The following CYP2B6 variants were observed in gnomAD, a reference collection of about 807,000 sequenced individuals.
CYP2B6 encodes the protein cytochrome P450 2B6.
CYP2B6 carries 35 observed loss-of-function variants against 43.4 expected under a neutral mutation model. The ratio of observed to expected loss-of-function variants is 0.81; its 90% CI spans 0.62 to 1.07. The LOEUF (loss-of-function observed/expected upper bound fraction) is 1.07, where lower values mean the gene tolerates loss of function less well. Among genes scored for constraint, CYP2B6 ranks in the 50% least tolerant of loss-of-function variants. The pLI, the probability that CYP2B6 is intolerant of heterozygous loss-of-function variation, is 0.00. For missense variants in CYP2B6, 624 were observed against 632.8 expected, an observed-to-expected ratio of 0.99 and a Z score of 0.15; for synonymous variants, 239 against 239.2, an observed-to-expected ratio of 1.00 and a Z score of 0.01.
rs4803420 is a variant in CYP2B6 at position 41,017,655 on chromosome 19, G to T, written c.*828G>T. 0.11 allele frequency: 16,848 copies of T among 151,744 alleles called. 1,059 individuals are homozygous for T. Among genetic ancestry groups the T allele is most frequent in the East Asian group, 0.19 (958 of 5,122 alleles). 9.4% of individuals were successfully genotyped at this position (151,744 alleles called of 1,614,324 possible). ...TGGCTAAATTTTGTATTTTTAGGTGGTCTTGAACTCCTGATGTCAGGTGAT... is the reference window on the plus strand; with the variant it reads ...TGGCTAAATTTTGTATTTTTAGGTGTTCTTGAACTCCTGATGTCAGGTGAT... On this transcript the variant is annotated 3_prime_UTR_variant, in exon 9 of 9. Transcript: ENST00000324071.
rs1004960957 is a variant in CYP2B6 at position 41,012,975 on chromosome 19, G to C, written c.1294+160G>C. ...CATCTTCACTACAACCCTATAAGGA[G>C]GCTTGAGAAAGAAGATTACATTCCC... On this transcript the variant is annotated intron_variant, in intron 8 of 8. Coordinates refer to ENST00000324071, the MANE Select transcript of CYP2B6 (RefSeq NM_000767.5). The C allele has an allele frequency of 4.6e-6, 4 of 871,600 alleles. No individual in the cohort carries two copies. The African/African-American group carries it at 5.0e-5, about 11-fold the overall frequency. 54.0% of individuals were successfully genotyped at this position (871,600 alleles called of 1,614,324 possible).
chr19:40,991,985 T>C (rs1968926051), intron 1 of CYP2B6, among the ~76,000 whole-genome samples: 1 of 152,062 alleles, frequency 6.6e-6, no homozygotes, highest in Non-Finnish European at 1.5e-5. Flanking sequence ...GTGGATCACC[T>C]GAGGTCAGGA....
intron 5 of CYP2B6, 43 bp from the exon 6 acceptor site, chr19:41,009,951 A>C (rs772519154): frequency 6.2e-7 from 1 of 1,613,276 alleles, no homozygotes; most frequent in South Asian, 1.1e-5. Context: ...GCAAGGCTAC[A>C]GCCTCCCCTG....
In CYP2B6 at chr19:41,004,452, T is replaced by A. The variant is rs1456870978; in HGVS notation, c.484+6T>A. On this transcript the variant is annotated splice_donor_region_variant and intron_variant, in intron 3 of 8. Coordinates refer to ENST00000324071, the MANE Select transcript of CYP2B6 (RefSeq NM_000767.5). ...GGAGCTTCGGAAATCCAAGGGTGAG[T>A]CCTGGGGGATGAATAGGAAAGAAAG... is the stretch of plus-strand genomic sequence containing the variant. 18 of 1,612,070 alleles carry A rather than the reference T, an allele frequency of 1.1e-5. No individual in the cohort carries two copies. In the Admixed American group the frequency reaches 2.8e-4, roughly 25 times the overall value.
intron 4 of CYP2B6, chr19:41,007,700 A>T (rs1200337242): frequency 6.6e-6 from 1 of 151,650 alleles, no homozygotes; most frequent in African/African-American, 2.4e-5. Context: ...ATCTCAGCTC[A>T]CTGCAACTTC....
In CYP2B6 at chr19:41,015,313, A is replaced by G. The variant is rs187991044; in HGVS notation, c.1295-1333A>G. Among the ~76,000 whole-genome samples the G allele has an allele frequency of 2.5e-4, 38 of 152,334 alleles. 1 individual carries two copies. The highest frequency in any genetic ancestry group is 8.4e-4 in the African/African-American group (35 of 41,578). ...AAAATGTTAGGTCACACAAAGAGTT[A>G]CAGAAGAACAGGCCCAGAGACCTGC... On this transcript the variant is annotated intron_variant, in intron 8 of 8. Transcript: ENST00000324071.
chr19:41,009,946 G>T (rs746406464), intron 5 of CYP2B6, 48 bp from the exon 6 acceptor site: 1 of 1,612,718 alleles, frequency 6.2e-7, no homozygotes. Flanking sequence ...ACACAGCAAG[G>T]CTACAGCCTC....
chr19:40,994,879 T>C (rs1006059954), intron 1 of CYP2B6, among the ~76,000 whole-genome samples: 8 of 152,098 alleles, frequency 5.3e-5, no homozygotes, highest in African/African-American at 1.9e-4. Flanking sequence ...AAAAAGCAAG[T>C]GGCAATGATG....
Position 41,017,655 on chromosome 19 carries a change from G to A in CYP2B6, c.*828G>A, listed in dbSNP as rs4803420. 1 of 151,680 alleles carries A rather than the reference G, an allele frequency of 6.6e-6. No homozygotes were observed. Among genetic ancestry groups the A allele is most frequent in the African/African-American group, 2.4e-5 (1 of 41,244 alleles). The allele number at this position is 151,680 out of a possible 1,614,324, so 9.4% of individuals were successfully genotyped here. A position where few individuals can be genotyped will look rare whatever the true frequency, so the allele number is the denominator to read the frequency against. ...TGGCTAAATTTTGTATTTTTAGGTG[G>A]TCTTGAACTCCTGATGTCAGGTGAT... On this transcript the variant is annotated 3_prime_UTR_variant, in exon 9 of 9. Transcript: ENST00000324071.
intron 4 of CYP2B6, 89 bp from the exon 5 acceptor site, chr19:41,009,130 A>G (rs1015464171): frequency 4.7e-6 from 5 of 1,057,568 alleles, no homozygotes; most frequent in Non-Finnish European, 7.3e-6. Flanking sequence ...TGGGGTTCCC[A>G]TGGAGGGATT....
chr19:41,017,130 C>T lies in CYP2B6; in HGVS notation c.*303C>T, dbSNP rs1272068397. 2 of 193,300 alleles carry T rather than the reference C, an allele frequency of 1.0e-5. No individual in the cohort carries two copies. The highest frequency in any genetic ancestry group is 2.2e-5 in the Non-Finnish European group (2 of 92,212). 12.0% of individuals were successfully genotyped at this position (193,300 alleles called of 1,614,324 possible). ...TGATCTCGGCTCACTGCAACCTCCACCCCCGGGGATCAAGCAACTCTCCTG... is the reference window on the plus strand; with the variant it reads ...TGATCTCGGCTCACTGCAACCTCCATCCCCGGGGATCAAGCAACTCTCCTG... On this transcript the variant is annotated 3_prime_UTR_variant, in exon 9 of 9. Transcript: ENST00000324071.
intron 4 of CYP2B6, among the ~76,000 whole-genome samples, chr19:41,009,007 A>G (rs1384448092): frequency 2.0e-5 from 3 of 150,182 alleles, no homozygotes; most frequent in African/African-American, 7.4e-5. Flanking sequence ...AGAGGCCAAG[A>G]AAAAGACAGA....
chr19:41,004,578 A>T lies in CYP2B6; in HGVS notation c.484+132A>T. The T allele has an allele frequency of 4.0e-6, 4 of 1,006,994 alleles. No individual in the cohort carries two copies. In the Admixed American group the frequency reaches 8.0e-5, roughly 20 times the overall value. 62.4% of individuals were successfully genotyped at this position (1,006,994 alleles called of 1,614,324 possible). A position where few individuals can be genotyped will look rare whatever the true frequency, so the allele number is the denominator to read the frequency against. On this transcript the variant is annotated intron_variant, in intron 3 of 8. Coordinates refer to ENST00000324071, the MANE Select transcript of CYP2B6 (RefSeq NM_000767.5). ...GACGAAACTGGAGACACCATCAGAC[A>T]GAGGGATAGAGACAGAGAGGGAGAG...
intron 1 of CYP2B6, among the ~76,000 whole-genome samples, chr19:40,999,166 T>A (rs1158058182): frequency 6.6e-6 from 1 of 152,168 alleles, no homozygotes; most frequent in African/African-American, 2.4e-5. Flanking sequence ...TGCATTTCTC[T>A]GATGGCCATT....
chr19:40,997,244 G>A (rs988586492), intron 1 of CYP2B6, among the ~76,000 whole-genome samples: 7 of 151,848 alleles, frequency 4.6e-5, no homozygotes, highest in African/African-American at 1.7e-4. Context: ...GCCCTATACC[G>A]GTAACTGCCA....
intron 1 of CYP2B6, among the ~76,000 whole-genome samples, chr19:40,996,451 G>A (rs1193121695): frequency 2.0e-5 from 3 of 152,096 alleles, no homozygotes; most frequent in East Asian, 1.9e-4. Flanking sequence ...GCATAGAAAT[G>A]CTTTAATACA....
rs895114865 is a variant in CYP2B6 at position 41,008,003 on chromosome 19, C to T, written c.645+938C>T. On this transcript the variant is annotated intron_variant, in intron 4 of 8. Coordinates refer to ENST00000324071, the MANE Select transcript of CYP2B6 (RefSeq NM_000767.5). ...CCTAAAGAAAATGAAGGATAAATGACAATAAGGAACAGCATTTCTTCATTT... is the reference window on the plus strand; with the variant it reads ...CCTAAAGAAAATGAAGGATAAATGATAATAAGGAACAGCATTTCTTCATTT... Among the ~76,000 whole-genome samples, 12 of 151,818 alleles carry T rather than the reference C, an allele frequency of 7.9e-5. 1 individual carries two copies. Among genetic ancestry groups the T allele is most frequent in the Admixed American group, 7.9e-4 (12 of 15,240 alleles).
intron 1 of CYP2B6, among the ~76,000 whole-genome samples, chr19:40,996,878 A>T (rs2144659867): frequency 6.6e-6 from 1 of 152,196 alleles, no homozygotes; most frequent in South Asian, 2.1e-4. Context: ...ATAGGTTATC[A>T]TAGGTAATTT....
At chr19:41,010,216 T>G (rs891773050) in intron 6 of CYP2B6, 81 bp downstream of exon 6, 8 of 1,543,310 alleles carry the variant, frequency 5.2e-6, no homozygotes, top group Non-Finnish European at 7.1e-6. Flanking sequence ...ACCACCTGGA[T>G]GAGAGAGGGG....
Sources: gnomAD v4.1 joint callset for allele counts (sites outside exome capture counted in the v4.1 genomes callset) on GRCh38, gnomAD v4.1.1 for gene constraint, MANE v1.5 for transcripts, NCBI Gene and HGNC (gene_info 2026-07-23, HGNC 2026-07-21) for gene names.